CDK19: variants seen among roughly 807,000 people sequenced by gnomAD.
The protein encoded by CDK19 is cyclin-dependent kinase 19.
A neutral mutation model predicts 68.3 loss-of-function variants in CDK19; 20 were observed. The observed-to-expected ratio is 0.29, with a 90% CI of 0.21 to 0.43. The LOEUF is 0.43. Ranked by LOEUF, CDK19 falls within the 20% of genes least tolerant of loss-of-function variation. The pLI is 1.00. For missense variants in CDK19, 339 were observed against 623.5 expected, an observed-to-expected ratio of 0.54 and a Z score of 4.86; for synonymous variants, 221 against 222.8, an observed-to-expected ratio of 0.99 and a Z score of 0.07.
intron 2 of CDK19, among the ~76,000 whole-genome samples, chr6:110,690,523 A>G (rs1371682846): frequency 2.6e-5 from 4 of 152,194 alleles, no homozygotes; most frequent in East Asian, 1.9e-4. Context: ...CTTGAGCACA[A>G]TGGGTTTCTA....
intron 4 of CDK19, among the ~76,000 whole-genome samples, chr6:110,651,260 T>C (rs568934845): frequency 6.6e-6 from 1 of 151,798 alleles, no homozygotes; most frequent in Non-Finnish European, 1.5e-5. Context: ...TATCTATCTA[T>C]CTATCCGTCT....
intron 2 of CDK19, among the ~76,000 whole-genome samples, chr6:110,673,042 T>C (rs964532254): frequency 6.6e-6 from 1 of 152,100 alleles, no homozygotes; most frequent in African/African-American, 2.4e-5. Context: ...ACTGTGTATT[T>C]CCAGAACTTT....
intron 1 of CDK19, among the ~76,000 whole-genome samples, chr6:110,784,950 A>C (rs1292234054): frequency 6.6e-6 from 1 of 152,132 alleles, no homozygotes; most frequent in East Asian, 1.9e-4. Context: ...TGATTAGAGG[A>C]TACCAGGGAA....
chr6:110,737,261 T>G (rs1221183018), intron 2 of CDK19, among the ~76,000 whole-genome samples: 2 of 152,224 alleles, frequency 1.3e-5, no homozygotes, highest in Admixed American at 1.3e-4. Flanking sequence ...CAGAAACTGA[T>G]GAGCAAAGCT....
At chr6:110,704,407 C>T (rs908915624) in intron 2 of CDK19, among the ~76,000 whole-genome samples, 1 of 151,990 alleles carries the variant, frequency 6.6e-6, no homozygotes, top group Non-Finnish European at 1.5e-5. Context: ...TCCCTTTTAT[C>T]CAACTCTCCA....
At chr6:110,670,702 A>C (rs1770921810) in intron 2 of CDK19, 161 bp from the exon 3 acceptor site, 1 of 659,280 alleles carries the variant, frequency 1.5e-6, no homozygotes, top group South Asian at 1.7e-5. Context: ...TTCAGAGATA[A>C]GCTCTGTCAA....
At chr6:110,645,079 C>G (rs1306544730) in intron 4 of CDK19, among the ~76,000 whole-genome samples, 2 of 152,134 alleles carry the variant, frequency 1.3e-5, no homozygotes, top group Non-Finnish European at 2.9e-5. Context: ...AAAATATAGA[C>G]TATCCAAAGG....
intron 2 of CDK19, among the ~76,000 whole-genome samples, chr6:110,691,482 A>G (rs1772984964): frequency 6.6e-6 from 1 of 151,740 alleles, no homozygotes; most frequent in Non-Finnish European, 1.5e-5. Context: ...TCAAAAAAAA[A>G]AAGAAAGAAA....
rs543593174 is a variant in CDK19, at chr6:110,702,038, G to A, written c.205-31497C>T. On this transcript the variant is annotated intron_variant, in intron 2 of 12. Coordinates refer to ENST00000368911, the MANE Select transcript of CDK19 (RefSeq NM_015076.5). ...CACCTGTAGTCCCAGCTACTCGGGA[G>A]GCTGAGGCAGAAGAATCACTTGAAC... 8.5e-5 allele frequency among the ~76,000 whole-genome samples: 13 copies of A among 152,264 alleles called. No homozygotes were observed. The East Asian group carries it at 2.5e-3, about 29-fold the overall frequency.
At chr6:110,619,984 T>C (rs530035951) in intron 12 of CDK19, among the ~76,000 whole-genome samples, 1 of 152,334 alleles carries the variant, frequency 6.6e-6, no homozygotes, top group African/African-American at 2.4e-5. Context: ...CATTTGTTGC[T>C]CATATAATGG....
At chr6:110,810,336 G>A (rs1369431927) in intron 1 of CDK19, among the ~76,000 whole-genome samples, 1 of 152,170 alleles carries the variant, frequency 6.6e-6, no homozygotes, top group Non-Finnish European at 1.5e-5. Context: ...TCCAAAAAGA[G>A]ATATGACATG....
At position 110,815,284 on chromosome 6, in the gene CDK19, C is replaced by G; in HGVS notation, c.-148G>C. ...CGCCCGCCGCCCGCCGCTCCGCGGT[C>G]CGCCTTCAGCAAGGGACTCCTCGGC... is the stretch of plus-strand genomic sequence containing the variant. On this transcript the variant is annotated 5_prime_UTR_variant, in exon 1 of 13. Transcript: ENST00000368911. 1.1e-6 allele frequency: 1 copy of G among 910,976 alleles called. No homozygotes were observed. The highest frequency in any genetic ancestry group is 1.5e-6 in the Non-Finnish European group (1 of 672,500). The allele number at this position is 910,976 out of a possible 1,614,324, so 56.4% of individuals were successfully genotyped here.
intron 2 of CDK19, among the ~76,000 whole-genome samples, chr6:110,676,151 G>A (rs1416581468): frequency 6.6e-6 from 1 of 152,186 alleles, no homozygotes; most frequent in South Asian, 2.1e-4. Context: ...TAATTTTGAG[G>A]AGTTCAAGGT....
At chr6:110,757,499 G>A (rs998193983) in intron 1 of CDK19, among the ~76,000 whole-genome samples, 2 of 152,054 alleles carry the variant, frequency 1.3e-5, no homozygotes, top group East Asian at 1.9e-4. Context: ...TTTACTTGTG[G>A]GACACCTGGG....
rs76531357 is a variant in CDK19 at position 110,765,617 on chromosome 6, G to C, written c.129-19416C>G. ...AATTGCTTGAACCCGGGAGGCGGAG[G>C]CTGCAGTGAGTCGAGATCACACCAC... On this transcript the variant is annotated intron_variant, in intron 1 of 12. Coordinates refer to ENST00000368911, the MANE Select transcript of CDK19 (RefSeq NM_015076.5). Among the ~76,000 whole-genome samples, 3,150 of 150,518 alleles carry C rather than the reference G, an allele frequency of 0.021. 340 individuals are homozygous for C. The East Asian group carries it at 0.35, about 17-fold the overall frequency.
chr6:110,613,859 CCA>C lies in CDK19; in HGVS notation c.*674_*675del, dbSNP rs1203541982. The C allele has an allele frequency of 6.6e-6, 1 of 152,638 alleles. No individual in the cohort carries two copies. Among genetic ancestry groups the C allele is most frequent in the African/African-American group, 2.4e-5 (1 of 41,456 alleles). The allele number at this position is 152,638 out of a possible 1,614,324, so 9.5% of individuals were successfully genotyped here. A position where few individuals can be genotyped will look rare whatever the true frequency, so the allele number is the denominator to read the frequency against. On this transcript the variant is annotated 3_prime_UTR_variant, in exon 13 of 13. Coordinates refer to ENST00000368911, the MANE Select transcript of CDK19 (RefSeq NM_015076.5). Reference sequence around the variant, plus strand: ...CATATGAATGATTCTATAAAAATTACCACATACTTCAGTTCTTCGTGGCATAA... The same window carrying C: ...CATATGAATGATTCTATAAAAATTACCATACTTCAGTTCTTCGTGGCATAA...
chr6:110,629,683 T>C (rs1358524120), intron 6 of CDK19, among the ~76,000 whole-genome samples: 2 of 152,184 alleles, frequency 1.3e-5, no homozygotes, highest in African/African-American at 4.8e-5. Flanking sequence ...ATGGACCATG[T>C]ATGGAGAAGA....
chr6:110,793,147 C>T (rs987925400), intron 1 of CDK19, among the ~76,000 whole-genome samples: 5 of 152,066 alleles, frequency 3.3e-5, no homozygotes, highest in East Asian at 1.9e-4. Context: ...TCCCCGAGAA[C>T]GGAAAATATG....
At position 110,807,751 on chromosome 6, in the gene CDK19, G is replaced by A. The variant is rs535923524; in HGVS notation, c.128+7258C>T. The stretch of plus-strand genomic sequence containing the variant: ...GCTGGGATTATAGGCATAAGCCACC[G>A]CGCCCAGCCACATTGTATATTTTTA... On this transcript the variant is annotated intron_variant, in intron 1 of 12. Coordinates refer to ENST00000368911, the MANE Select transcript of CDK19 (RefSeq NM_015076.5). Among the ~76,000 whole-genome samples the A allele has an allele frequency of 5.3e-5, 8 of 152,002 alleles. No homozygotes were observed. In the East Asian group the frequency reaches 9.6e-4, roughly 18 times the overall value.
Sources: allele counts gnomAD v4.1 joint callset (sites outside exome capture counted in the v4.1 genomes callset), GRCh38; gene constraint gnomAD v4.1.1; transcripts MANE v1.5; gene names NCBI Gene and HGNC (gene_info 2026-07-23, HGNC 2026-07-21).